Variants in MAGEC3 observed in about 807,000 individuals in gnomAD.
MAGEC3 encodes MAGE family member C3.
MAGEC3 carries 34 observed loss-of-function variants against 35.3 expected under a neutral mutation model. The observed-to-expected ratio is 0.96, with a 90% CI of 0.73 to 1.28. The LOEUF (loss-of-function observed/expected upper bound fraction) is 1.28, where lower values mean the gene tolerates loss of function less well. MAGEC3 is among the 50% of genes most tolerant of loss of function. MAGEC3 has a pLI of 0.00. For missense variants in MAGEC3, 561 were observed against 483.6 expected (o/e 1.16, Z -1.50); for synonymous variants, 202 against 185.6 (o/e 1.09, Z -0.72).
At chrX:141,851,540 C>T (rs2017750868) in intron 1 of MAGEC3, among the ~76,000 whole-genome samples, 1 of 110,083 alleles carries the variant, frequency 9.1e-6, no homozygotes, top group African/African-American at 3.3e-5. Context: ...GTATACAGTT[C>T]AGTGGTTTTG....
At chrX:141,849,645 G>A (rs1180204790) in intron 1 of MAGEC3, among the ~76,000 whole-genome samples, 3 of 111,097 alleles carry the variant, frequency 2.7e-5, no homozygotes, top group African/African-American at 9.8e-5. Context: ...AAATTGCTCA[G>A]CATCACAAAT....
rs369994769 is a variant in MAGEC3, at chrX:141,838,781, G to A, written c.123+343G>A. 15 of 751,533 alleles carry A rather than the reference G, an allele frequency of 2.0e-5. No individual in the cohort carries two copies. The East Asian group carries it at 1.7e-3, about 85-fold the overall frequency. The allele number at this position is 751,533 out of a possible 1,213,427, so 61.9% of individuals were successfully genotyped here. A position where few individuals can be genotyped will look rare whatever the true frequency, so the allele number is the denominator to read the frequency against. The stretch of plus-strand genomic sequence containing the variant: ...CCTAAAAGCAGCAGCCCACGCCTTC[G>A]TCCCACCTCTGCACCAGATGCTGTA... On this transcript the variant is annotated intron_variant, in intron 1 of 7. Transcript: ENST00000298296.
chrX:141,880,082 G>A (rs899948569), intron 3 of MAGEC3, among the ~76,000 whole-genome samples: 1 of 111,709 alleles, frequency 9.0e-6, no homozygotes, highest in Non-Finnish European at 1.9e-5. Flanking sequence ...GAGGTGCAGG[G>A]AAAGGGAAGG....
At chrX:141,853,978 A>G (rs761014010) in intron 1 of MAGEC3, among the ~76,000 whole-genome samples, 67 of 111,422 alleles carry the variant, frequency 6.0e-4, no homozygotes, top group African/African-American at 2.1e-3. Flanking sequence ...GCTTTTGTAC[A>G]TGTGCCAACC....
intron 4 of MAGEC3, among the ~76,000 whole-genome samples, chrX:141,885,536 G>A (rs953208673): frequency 5.6e-5 from 6 of 107,757 alleles, no homozygotes; most frequent in Non-Finnish European, 1.1e-4. Flanking sequence ...ATCGTGGTGC[G>A]CGCCTGTAAT....
intron 1 of MAGEC3, among the ~76,000 whole-genome samples, chrX:141,864,542 C>T (rs1221983708): frequency 9.0e-6 from 1 of 110,691 alleles, no homozygotes; most frequent in Non-Finnish European, 1.9e-5. Context: ...CAAAATACTG[C>T]ATGTTCTCAC....
At chrX:141,873,559 A>T (rs1183585859) in intron 2 of MAGEC3, among the ~76,000 whole-genome samples, 1 of 111,684 alleles carries the variant, frequency 9.0e-6, no homozygotes, top group Non-Finnish European at 1.9e-5. Flanking sequence ...TAAAGTGGCG[A>T]TGTTTGTCCA....
intron 4 of MAGEC3, among the ~76,000 whole-genome samples, chrX:141,883,928 A>T (rs1455525879): frequency 8.8e-6 from 1 of 113,486 alleles, no homozygotes; most frequent in East Asian, 2.8e-4. Flanking sequence ...CCTGCCCCAC[A>T]GGAAAATCTT....
chrX:141,897,241 C>T lies in MAGEC3; in HGVS notation c.1483C>T (p.Pro495Ser). The T allele has an allele frequency of 8.3e-7, 1 of 1,211,833 alleles. No homozygotes were observed. Reference sequence around the variant, plus strand: ...CATCAAGAAGTATAAGGACTATTTTCCCATGATCTTCGGGAAAGCCCATGA... The same window carrying T: ...CATCAAGAAGTATAAGGACTATTTTTCCATGATCTTCGGGAAAGCCCATGA... ...TVIKKYKDYF[P>S]MIFGKAHEFI... The change falls in exon 7 of 8, where the codon CCC (proline) becomes TCC (serine). Residue 495 changes from proline (P) to serine (S), a missense_variant. Pro to Ser is a moderately conservative substitution (Grantham distance 74, BLOSUM62 -1). Coordinates refer to ENST00000298296, the MANE Select transcript of MAGEC3 (RefSeq NM_138702.1).
chrX:141,839,363 A>G, intron 1 of MAGEC3: 16 of 714,618 alleles, frequency 2.2e-5, no homozygotes, highest in Non-Finnish European at 2.7e-5. Context: ...TCCAAGAAAT[A>G]ATTTTTAAAG....
At chrX:141,882,300 C>G (rs2017972527) in intron 4 of MAGEC3, among the ~76,000 whole-genome samples, 1 of 111,697 alleles carries the variant, frequency 9.0e-6, no homozygotes, top group Non-Finnish European at 1.9e-5. Flanking sequence ...CTTTTGTGTA[C>G]TTTTTGAATG....
intron 2 of MAGEC3, among the ~76,000 whole-genome samples, chrX:141,877,786 C>T (rs2017929065): frequency 9.0e-6 from 1 of 111,693 alleles, no homozygotes; most frequent in African/African-American, 3.3e-5. Context: ...ATTTGATAAA[C>T]TTTATGTTTA....
In MAGEC3 at chrX:141,865,402, G is replaced by C. The variant is rs1041743387; in HGVS notation, c.124-69G>C. 10 of 1,055,453 alleles carry C rather than the reference G, an allele frequency of 9.5e-6. No homozygotes were observed. In the African/African-American group the frequency reaches 1.7e-4, roughly 18 times the overall value. 87.0% of individuals were successfully genotyped at this position (1,055,453 alleles called of 1,213,427 possible). On this transcript the variant is annotated intron_variant, in intron 1 of 7. Transcript: ENST00000298296. ...AAGGGAAAGACACTAAAGAAGAATAGAGTAGATCTTCCATCACAGGTAGAG... is the reference window on the plus strand; with the variant it reads ...AAGGGAAAGACACTAAAGAAGAATACAGTAGATCTTCCATCACAGGTAGAG...
intron 4 of MAGEC3, among the ~76,000 whole-genome samples, chrX:141,890,776 G>A (rs751653524): frequency 2.1e-4 from 23 of 111,375 alleles, no homozygotes; most frequent in South Asian, 1.5e-3. Flanking sequence ...GAACACAAGC[G>A]CCCATCTCCA....
chrX:141,883,323 G>T (rs1461032763), intron 4 of MAGEC3, among the ~76,000 whole-genome samples: 1 of 112,247 alleles, frequency 8.9e-6, no homozygotes, highest in Non-Finnish European at 1.9e-5. Context: ...GTAAGCAAGG[G>T]CTAGATTTTT....
chrX:141,843,445 C>T (rs1405540177), intron 1 of MAGEC3, among the ~76,000 whole-genome samples: 1 of 111,671 alleles, frequency 9.0e-6, no homozygotes, highest in Non-Finnish European at 1.9e-5. Context: ...TGTATTGTTT[C>T]TGACTTGAAT....
Position 141,856,954 on chromosome X carries a change from G to A in MAGEC3, c.124-8517G>A, listed in dbSNP as rs1214121657. Among the ~76,000 whole-genome samples, 4 of 111,643 alleles carry A rather than the reference G, an allele frequency of 3.6e-5. No individual in the cohort carries two copies. In the East Asian group the frequency reaches 1.1e-3, roughly 32 times the overall value. On this transcript the variant is annotated intron_variant, in intron 1 of 7. Transcript: ENST00000298296. ...CCTGACAAAGAAGAGAACTTCAGTG[G>A]ATCTGTCCAGCATCCCTGAACGTTT...
chrX:141,851,915 T>C (rs976768179), intron 1 of MAGEC3, among the ~76,000 whole-genome samples: 11 of 110,837 alleles, frequency 9.9e-5, no homozygotes, highest in African/African-American at 3.6e-4. Flanking sequence ...TTGTCATGGG[T>C]ATTCTGGGTC....
chrX:141,874,327 C>G (rs1430465999), intron 2 of MAGEC3, among the ~76,000 whole-genome samples: 1 of 111,427 alleles, frequency 9.0e-6, no homozygotes, highest in Non-Finnish European at 1.9e-5. Context: ...TTCTTAGATA[C>G]AACCCAAAAA....
Sources: allele counts gnomAD v4.1 joint callset (sites outside exome capture counted in the v4.1 genomes callset), GRCh38; gene constraint gnomAD v4.1.1; transcripts MANE v1.5; gene names NCBI Gene and HGNC (gene_info 2026-07-23, HGNC 2026-07-21).